PABPC4L: variants seen among roughly 807,000 people sequenced by gnomAD.
The protein encoded by PABPC4L is poly(A) binding protein cytoplasmic 4 like, also known as polyadenylate-binding protein 4-like.
For missense variants in PABPC4L, 452 were observed against 451.4 expected, an observed-to-expected ratio of 1.00 and a Z score of -0.01; for synonymous variants, 169 against 164.1, an observed-to-expected ratio of 1.03 and a Z score of -0.23.
At chr4:134,027,785 T>C in the PABPC4L span, among the ~76,000 whole-genome samples, 1 of 152,150 alleles carries the variant, frequency 6.6e-6, no homozygotes, top group Non-Finnish European at 1.5e-5. Context: ...CAATTACAAA[T>C]TGTCAATTTA....
chr4:133,987,226 A>G, the PABPC4L span, among the ~76,000 whole-genome samples: 1 of 152,200 alleles, frequency 6.6e-6, no homozygotes, highest in African/African-American at 2.4e-5. Flanking sequence ...TTATGGATGC[A>G]TCAGGGTGAA....
At chr4:134,084,429 T>G in the PABPC4L span, among the ~76,000 whole-genome samples, 6 of 152,156 alleles carry the variant, frequency 3.9e-5, no homozygotes, top group Admixed American at 3.3e-4. Context: ...GATCTGATAT[T>G]TTTATTTTAA....
chr4:134,104,181 T>C, the PABPC4L span, among the ~76,000 whole-genome samples: 1 of 151,730 alleles, frequency 6.6e-6, no homozygotes, highest in African/African-American at 2.4e-5. Context: ...TGAATTTCTC[T>C]AGGCAGCCTC....
the PABPC4L span, among the ~76,000 whole-genome samples, chr4:134,139,826 A>T: frequency 6.6e-6 from 1 of 151,750 alleles, no homozygotes; most frequent in Admixed American, 6.6e-5. Context: ...AATTTTATCT[A>T]GCATTTTTGC....
At chr4:133,981,457 T>G in the PABPC4L span, among the ~76,000 whole-genome samples, 1 of 152,138 alleles carries the variant, frequency 6.6e-6, no homozygotes, top group African/African-American at 2.4e-5. Context: ...AAAATAGATG[T>G]GCTCAATTAA....
the PABPC4L span, among the ~76,000 whole-genome samples, chr4:134,157,627 A>C: frequency 1.7e-4 from 26 of 151,832 alleles, no homozygotes; most frequent in Non-Finnish European, 2.7e-4. Flanking sequence ...AATTTATGAA[A>C]TATTTCATCA....
the PABPC4L span, among the ~76,000 whole-genome samples, chr4:133,950,895 T>C: frequency 6.6e-6 from 1 of 152,128 alleles, no homozygotes; most frequent in African/African-American, 2.4e-5. Flanking sequence ...TTTCCCCTAC[T>C]ATTTATTAGG....
the PABPC4L span, among the ~76,000 whole-genome samples, chr4:134,150,087 C>CTTT: frequency 3.5e-5 from 5 of 142,254 alleles, no homozygotes; most frequent in South Asian, 2.2e-4. Flanking sequence ...TTTATTATGT[C>CTTT]TTTTTTTTTT....
chr4:134,194,077 T>C (rs1441110482), downstream of PABPC4L, among the ~76,000 whole-genome samples: 1 of 151,820 alleles, frequency 6.6e-6, no homozygotes. Context: ...AATAAGTTTG[T>C]CAACTGATAA....
At chr4:133,965,140 G>A in the PABPC4L span, among the ~76,000 whole-genome samples, 1 of 152,124 alleles carries the variant, frequency 6.6e-6, no homozygotes, top group South Asian at 2.1e-4. Flanking sequence ...CAAGATTAGT[G>A]TACACAAATG....
chr4:134,004,170 A>G, the PABPC4L span, among the ~76,000 whole-genome samples: 5 of 151,894 alleles, frequency 3.3e-5, no homozygotes, highest in Non-Finnish European at 7.4e-5. Context: ...AAGCTTCTCT[A>G]CAGCAAAGGA....
the PABPC4L span, among the ~76,000 whole-genome samples, chr4:133,961,929 G>A: frequency 6.6e-6 from 1 of 152,136 alleles, no homozygotes; most frequent in South Asian, 2.1e-4. Flanking sequence ...CATGGCCCAA[G>A]ATTCCATTCC....
the PABPC4L span, among the ~76,000 whole-genome samples, chr4:134,039,341 G>GAGTTAAAGTT: frequency 6.6e-6 from 1 of 152,058 alleles, no homozygotes; most frequent in African/African-American, 2.4e-5. Context: ...TATTAGGTCT[G>GAGTTAAAGTT]CTTGGTCCAA....
At chr4:134,140,053 G>A in the PABPC4L span, among the ~76,000 whole-genome samples, 2 of 151,780 alleles carry the variant, frequency 1.3e-5, no homozygotes, top group Non-Finnish European at 2.9e-5. Flanking sequence ...GCTTCTGTAA[G>A]CTATTTTGGT....
the PABPC4L span, among the ~76,000 whole-genome samples, chr4:134,086,386 T>G: frequency 6.6e-6 from 1 of 152,196 alleles, no homozygotes. Flanking sequence ...TTTGGTTAAA[T>G]GGATGCATCA....
At chr4:133,958,962 C>A in the PABPC4L span, among the ~76,000 whole-genome samples, 3 of 152,280 alleles carry the variant, frequency 2.0e-5, no homozygotes, top group African/African-American at 7.2e-5. Flanking sequence ...GATCATGCTC[C>A]CTTTGTCCAA....
chr4:134,129,102 G>C, the PABPC4L span, among the ~76,000 whole-genome samples: 1 of 152,088 alleles, frequency 6.6e-6, no homozygotes. Flanking sequence ...ATGATAAAAG[G>C]ACTAGTCCAA....
the PABPC4L span, among the ~76,000 whole-genome samples, chr4:133,997,176 T>C: frequency 1.3e-5 from 2 of 152,260 alleles, no homozygotes; most frequent in South Asian, 4.1e-4. Flanking sequence ...TAAAACGACC[T>C]CTAAGTGCTC....
At chr4:134,060,727 G>A in the PABPC4L span, among the ~76,000 whole-genome samples, 200 of 152,016 alleles carry the variant, frequency 1.3e-3, no homozygotes, top group African/African-American at 4.6e-3. Context: ...TACACAGGGA[G>A]TATTGTTCAG....
Sources: allele counts gnomAD v4.1 joint callset (sites outside exome capture counted in the v4.1 genomes callset), GRCh38; gene constraint gnomAD v4.1.1; transcripts MANE v1.5; gene names NCBI Gene and HGNC (gene_info 2026-07-23, HGNC 2026-07-21).